Variants in TRIM5 observed in about 807,000 individuals in gnomAD.
TRIM5 encodes tripartite motif-containing protein 5.
A neutral mutation model predicts 35.6 loss-of-function variants in TRIM5; 31 were observed. The observed-to-expected ratio is 0.87, with a 90% CI of 0.65 to 1.18. TRIM5 has a LOEUF of 1.18. TRIM5 is among the 50% of genes most tolerant of loss of function. TRIM5 has a pLI of 0.00. For missense variants in TRIM5, 609 were observed against 591.6 expected (o/e 1.03, Z -0.31); for synonymous variants, 243 against 215.6 (o/e 1.13, Z -1.11).
At chr11:5,678,571 C>A (rs3740994) in intron 3 of TRIM5, 137 bp from the exon 4 acceptor site, 523,072 of 614,536 alleles carry the variant, frequency 0.85, 223,083 homozygotes, top group African/African-American at 0.9. Flanking sequence ...AGGAAAGCTG[C>A]CTTTTCCTAT....
the TRIM5 span, among the ~76,000 whole-genome samples, chr11:5,621,929 C>G: frequency 6.6e-6 from 1 of 152,084 alleles, no homozygotes; most frequent in Non-Finnish European, 1.5e-5. Flanking sequence ...TGTATACAAC[C>G]AAGTTGTGCT....
rs534235153 is a variant in TRIM5, at chr11:5,668,061, A to G, written c.745-350T>C. On this transcript the variant is annotated intron_variant, in intron 4 of 7. Transcript: ENST00000380034. ...AATTAGTGCTTCTTTGATTTATTAA[A>G]CAGATGTACAGCCTAGGCAACATAG... Among the ~76,000 whole-genome samples, 8 of 152,266 alleles carry G rather than the reference A, an allele frequency of 5.3e-5. No homozygotes were observed. In the South Asian group the frequency reaches 1.2e-3, roughly 24 times the overall value.
rs1157677379 is a variant in TRIM5, at chr11:5,663,305, T to A, written c.*1504A>T. The A allele has an allele frequency of 2.1e-6, 2 of 944,376 alleles. No individual in the cohort carries two copies. The highest frequency in any genetic ancestry group is 3.5e-5 in the African/African-American group (2 of 56,424). The allele number at this position is 944,376 out of a possible 1,614,324, so 58.5% of individuals were successfully genotyped here. ...ATTAATAAACTGATTCCCACATAAT[T>A]CAGTTTGTTTGATAAAGACTAATAT... On this transcript the variant is annotated 3_prime_UTR_variant, in exon 8 of 8. Transcript: ENST00000380034.
chr11:5,660,728 T>C (rs1850785139), downstream of TRIM5, among the ~76,000 whole-genome samples: 2 of 151,968 alleles, frequency 1.3e-5, no homozygotes, highest in African/African-American at 4.8e-5. Context: ...TGGAGTATGG[T>C]GGTTAATACA....
Position 5,665,170 on chromosome 11 carries a change from C to G in TRIM5, c.1121G>C (p.Gly374Ala), listed in dbSNP as rs1851033460. 6.2e-7 allele frequency: 1 copy of G among 1,613,836 alleles called. No individual in the cohort carries two copies. The highest frequency in any genetic ancestry group is 8.5e-7 in the Non-Finnish European group (1 of 1,179,980). ...DVSKKTAWIL[G>A]VCAGFQPDAM... ...ATCAGGTTGGAAGCCAGCACATACC[C>G]CCAGGATCCAAGCAGTTTTCTTGGA... is the stretch of plus-strand genomic sequence containing the variant. The change falls in exon 8 of 8, where the codon GGG becomes GCG. Residue 374 changes from glycine (G) to alanine (A), a missense_variant. Coordinates refer to ENST00000380034, the MANE Select transcript of TRIM5 (RefSeq NM_033034.3).
At chr11:5,680,441 T>C (rs1461732719) in intron 1 of TRIM5, among the ~76,000 whole-genome samples, 1 of 152,246 alleles carries the variant, frequency 6.6e-6, no homozygotes, top group Non-Finnish European at 1.5e-5. Flanking sequence ...TCATGTCATA[T>C]GACAAATTCT....
At chr11:5,625,383 T>C in the TRIM5 span, among the ~76,000 whole-genome samples, 8 of 152,210 alleles carry the variant, frequency 5.3e-5, no homozygotes, top group African/African-American at 1.9e-4. Flanking sequence ...CAATTCTCTC[T>C]CTCTCTTTCT....
At chr11:5,678,500 G>C (rs915828859) in intron 3 of TRIM5, 66 bp from the exon 4 acceptor site, 22 of 1,350,590 alleles carry the variant, frequency 1.6e-5, no homozygotes, top group Non-Finnish European at 2.1e-5. Flanking sequence ...GCCAGAAAAG[G>C]AGCTGTTTCT....
chr11:5,602,267 C>A, the TRIM5 span, among the ~76,000 whole-genome samples: 1 of 138,682 alleles, frequency 7.2e-6, no homozygotes, highest in South Asian at 2.2e-4. Context: ...AGTGAAACCT[C>A]ATCTCTACTA....
intron 1 of TRIM5, among the ~76,000 whole-genome samples, chr11:5,682,002 T>C (rs61249738): frequency 0.021 from 3,122 of 152,224 alleles, 61 homozygotes; most frequent in East Asian, 0.043. Flanking sequence ...TTTCACCATA[T>C]TGGCCAGTCT....
chr11:5,678,573 T>G (rs1422362477), intron 3 of TRIM5, 139 bp from the exon 4 acceptor site: 1 of 600,584 alleles, frequency 1.7e-6, no homozygotes. Flanking sequence ...GAAAGCTGCC[T>G]TTTCCTATTT....
the TRIM5 span, among the ~76,000 whole-genome samples, chr11:5,654,485 G>A: frequency 6.6e-6 from 1 of 152,122 alleles, no homozygotes; most frequent in Non-Finnish European, 1.5e-5. Context: ...CTATGGTAAG[G>A]CTTTGCTGGG....
chr11:5,643,518 A>G, the TRIM5 span: 1 of 1,614,196 alleles, frequency 6.2e-7, no homozygotes, highest in Non-Finnish European at 8.5e-7. Flanking sequence ...GACTCTCTCC[A>G]TGGCTGTGCC....
chr11:5,632,553 G>A, the TRIM5 span: 2 of 1,613,886 alleles, frequency 1.2e-6, no homozygotes, highest in Non-Finnish European at 1.7e-6. Context: ...ATCAGCATCT[G>A]GCCAACATAG....
At chr11:5,620,815 G>T in the TRIM5 span, among the ~76,000 whole-genome samples, 1 of 152,118 alleles carries the variant, frequency 6.6e-6, no homozygotes, top group African/African-American at 2.4e-5. Flanking sequence ...ATGAAGCAAA[G>T]CCTGTTCTGC....
chr11:5,610,042 A>T, the TRIM5 span: 1 of 1,197,964 alleles, frequency 8.3e-7, no homozygotes, highest in Non-Finnish European at 1.2e-6. Flanking sequence ...GTATTCAGAA[A>T]GGAGGATTGG....
chr11:5,680,545 T>TC (rs1852359555), intron 1 of TRIM5, among the ~76,000 whole-genome samples: 1 of 152,198 alleles, frequency 6.6e-6, no homozygotes. Flanking sequence ...GTGTGACCCA[T>TC]CATCTCTCCT....
chr11:5,669,558 A>C (rs1027140891), intron 4 of TRIM5, among the ~76,000 whole-genome samples: 2 of 152,224 alleles, frequency 1.3e-5, no homozygotes, highest in Non-Finnish European at 2.9e-5. Flanking sequence ...CATACAATCA[A>C]ATAGTTTTGC....
the TRIM5 span, among the ~76,000 whole-genome samples, chr11:5,623,357 TTTTG>T: frequency 3.4e-4 from 51 of 151,914 alleles, no homozygotes; most frequent in African/African-American, 9.6e-4. Flanking sequence ...CTTTTATTTA[TTTTG>T]TTTATTTTTA....
Sources: gnomAD v4.1 joint callset for allele counts (sites outside exome capture counted in the v4.1 genomes callset) on GRCh38, gnomAD v4.1.1 for gene constraint, MANE v1.5 for transcripts, NCBI Gene and HGNC (gene_info 2026-07-23, HGNC 2026-07-21) for gene names.